Variants in PMEPA1 observed in about 807,000 individuals in gnomAD.
The protein encoded by PMEPA1 is protein TMEPAI.
Under a neutral mutation model 23.0 loss-of-function variants are expected in PMEPA1, and 11 were observed. The ratio of observed to expected loss-of-function variants is 0.48; its 90% CI spans 0.30 to 0.79. The LOEUF is 0.79. Among genes scored for constraint, PMEPA1 ranks in the 30% least tolerant of loss-of-function variants. The probability of loss-of-function intolerance (pLI) is 0.06; values close to 1 mark genes in which losing one functional copy is unlikely to be tolerated. For synonymous variants in PMEPA1, 204 were observed against 166.4 expected, an observed-to-expected ratio of 1.23 and a Z score of -1.74; for missense variants, 377 against 390.9, an observed-to-expected ratio of 0.96 and a Z score of 0.30.
At chr20:57,709,328 C>T in intron 1 of PMEPA1, 146 bp downstream of exon 1, 1 of 410,086 alleles carries the variant, frequency 2.4e-6, no homozygotes, top group South Asian at 1.0e-4. Context: ...CGGGAGGGCG[C>T]GCCCGGGGCG....
intron 1 of PMEPA1, among the ~76,000 whole-genome samples, chr20:57,697,384 C>A (rs554896224): frequency 6.6e-6 from 1 of 152,334 alleles, no homozygotes; most frequent in Middle Eastern, 3.4e-3. Flanking sequence ...CTGTTATGGG[C>A]AGCAAGTAGG....
chr20:57,696,561 C>T (rs900205552), intron 1 of PMEPA1, among the ~76,000 whole-genome samples: 1 of 152,182 alleles, frequency 6.6e-6, no homozygotes, highest in African/African-American at 2.4e-5. Context: ...TCAGTGAGCA[C>T]CTGCCACTGT....
chr20:57,665,934 G>A (rs189807570), intron 1 of PMEPA1, among the ~76,000 whole-genome samples: 3,443 of 152,344 alleles, frequency 0.023, 77 homozygotes, highest in African/African-American at 0.054. Context: ...AGGGCCCGCC[G>A]TGGCAACACA....
At chr20:57,654,948 C>T (rs2071305892) in intron 2 of PMEPA1, among the ~76,000 whole-genome samples, 1 of 151,986 alleles carries the variant, frequency 6.6e-6, no homozygotes, top group South Asian at 2.1e-4. Flanking sequence ...ATGCCCCCCA[C>T]CCCACACCCT....
intron 1 of PMEPA1, 107 bp downstream of exon 1, chr20:57,709,367 T>G: frequency 1.3e-6 from 1 of 786,878 alleles, no homozygotes; most frequent in Non-Finnish European, 1.6e-6. Context: ...CGCAGGGCGT[T>G]CGGTCCGAGG....
chr20:57,650,860 T>C lies in PMEPA1; in HGVS notation c.*1193A>G, dbSNP rs1400477894. ...ATACCTGGGGCTTCCTAGGGTCCAG[T>C]GCGGCAGTTACCGCACCTGCCTTCA... On this transcript the variant is annotated 3_prime_UTR_variant, in exon 4 of 4. Transcript: ENST00000341744. 6.6e-6 allele frequency: 1 copy of C among 152,186 alleles called. No individual in the cohort carries two copies. The highest frequency in any genetic ancestry group is 2.4e-5 in the African/African-American group (1 of 41,424). 9.4% of individuals were successfully genotyped at this position (152,186 alleles called of 1,614,324 possible). A position where few individuals can be genotyped will look rare whatever the true frequency, so the allele number is the denominator to read the frequency against.
chr20:57,674,711 C>T (rs972936036), intron 1 of PMEPA1, among the ~76,000 whole-genome samples: 2 of 152,226 alleles, frequency 1.3e-5, no homozygotes, highest in African/African-American at 2.4e-5. Flanking sequence ...TATCCTCAGG[C>T]CCTTTCCCTT....
chr20:57,662,001 GCGTGC>G (rs1433711396), intron 1 of PMEPA1, among the ~76,000 whole-genome samples: 11 of 151,344 alleles, frequency 7.3e-5, no homozygotes, highest in South Asian at 2.1e-4. Context: ...CCAGGGCTCA[GCGTGC>G]CACTGTCTAC....
At chr20:57,661,083 A>G (rs897863024) in intron 1 of PMEPA1, among the ~76,000 whole-genome samples, 5 of 152,160 alleles carry the variant, frequency 3.3e-5, no homozygotes, top group Admixed American at 2.0e-4. Flanking sequence ...GAAAACCCAC[A>G]TTCCAGATGG....
rs147512008 is a variant in PMEPA1 at position 57,705,910 on chromosome 20, G to A, written c.109+3564C>T. On this transcript the variant is annotated intron_variant, in intron 1 of 3. Coordinates refer to ENST00000341744, the MANE Select transcript of PMEPA1 (RefSeq NM_020182.5). Reference sequence around the variant, plus strand: ...TCCTGCCCCCCAACAAAGAATTACCGGGCTCAGAATGTCACAGTGCCAAGG... The same window carrying A: ...TCCTGCCCCCCAACAAAGAATTACCAGGCTCAGAATGTCACAGTGCCAAGG... 9.2e-5 allele frequency among the ~76,000 whole-genome samples: 14 copies of A among 152,296 alleles called. No individual in the cohort carries two copies. In the South Asian group the frequency reaches 1.2e-3, roughly 14 times the overall value.
chr20:57,694,055 A>G (rs553030528), intron 1 of PMEPA1, among the ~76,000 whole-genome samples: 47 of 152,298 alleles, frequency 3.1e-4, no homozygotes, highest in African/African-American at 1.1e-3. Context: ...TGGACCACAG[A>G]ACTCCATCTC....
intron 1 of PMEPA1, among the ~76,000 whole-genome samples, chr20:57,703,940 T>G (rs1471919666): frequency 2.6e-5 from 4 of 151,994 alleles, no homozygotes; most frequent in Admixed American, 2.0e-4. Flanking sequence ...TACAGACCCA[T>G]CAGATGACAG....
Position 57,652,531 on chromosome 20 carries a change from C to A in PMEPA1, c.386G>T (p.Arg129Leu). The part of the protein sequence containing the change: ...LAVPPFAQRE[R>L]FHRFQPTYPY... ...ATAGGTGGGCTGGAAGCGGTGGAAG[C>A]GCTCCCGCTGGGCGAAGGGCGGCAC... Residue 129 changes from arginine to leucine, a missense_variant, in exon 4 of 4, where the codon CGC (arginine) becomes CTC (leucine). Arg to Leu is a moderately radical substitution (Grantham distance 102). Transcript: ENST00000341744. This position sits in a 1 kb window ranked among gnomAD's most constrained non-coding sequence, Gnocchi z 6.1. The A allele has an allele frequency of 6.4e-7, 1 of 1,561,574 alleles. No individual in the cohort carries two copies. The highest frequency in any genetic ancestry group is 8.7e-7 in the Non-Finnish European group (1 of 1,152,202).
chr20:57,681,603 T>A (rs149009706), intron 1 of PMEPA1, among the ~76,000 whole-genome samples: 169 of 152,308 alleles, frequency 1.1e-3, no homozygotes, highest in African/African-American at 3.9e-3. Flanking sequence ...TCGTTTCACG[T>A]TCAATTCTGT....
intron 1 of PMEPA1, among the ~76,000 whole-genome samples, chr20:57,693,956 C>T (rs972368762): frequency 1.3e-5 from 2 of 152,230 alleles, no homozygotes; most frequent in Non-Finnish European, 2.9e-5. Context: ...CAGCTGGGAG[C>T]ATCTCTGAGC....
chr20:57,680,355 GC>G (rs1380237231), intron 1 of PMEPA1, among the ~76,000 whole-genome samples: 3 of 152,190 alleles, frequency 2.0e-5, no homozygotes, highest in Non-Finnish European at 4.4e-5. Flanking sequence ...AGATGATTTT[GC>G]CCCAGGGGAC....
intron 1 of PMEPA1, among the ~76,000 whole-genome samples, chr20:57,701,505 C>T (rs1192030040): frequency 2.6e-5 from 4 of 152,158 alleles, no homozygotes; most frequent in Non-Finnish European, 4.4e-5. Flanking sequence ...GCAACTGGAG[C>T]GGGTGCAGGG....
chr20:57,660,596 C>T (rs1431203978), intron 1 of PMEPA1, among the ~76,000 whole-genome samples: 2 of 137,408 alleles, frequency 1.5e-5, no homozygotes, highest in Non-Finnish European at 3.1e-5. Flanking sequence ...ACAAATAACA[C>T]CCCAACACGT....
chr20:57,692,056 G>A (rs184192358), intron 1 of PMEPA1, among the ~76,000 whole-genome samples: 166 of 152,238 alleles, frequency 1.1e-3, no homozygotes, highest in African/African-American at 3.8e-3. Context: ...CGGGGCTTAC[G>A]GAGCCACCAC....
Sources: allele counts gnomAD v4.1 joint callset (sites outside exome capture counted in the v4.1 genomes callset), GRCh38; gene constraint gnomAD v4.1.1; non-coding constraint Gnocchi (gnomAD v3.1); transcripts MANE v1.5; gene names NCBI Gene and HGNC (gene_info 2026-07-23, HGNC 2026-07-21).